The following BTG4 variants were observed in gnomAD, a reference collection of about 807,000 sequenced individuals.
BTG4 encodes the protein BTG anti-proliferation factor 4.
A neutral mutation model predicts 19.3 loss-of-function variants in BTG4; 10 were observed. The observed-to-expected ratio is 0.52, with a 90% CI of 0.32 to 0.88. The LOEUF (loss-of-function observed/expected upper bound fraction) is 0.88, where lower values mean the gene tolerates loss of function less well. Ranked by LOEUF, BTG4 falls within the 40% of genes least tolerant of loss-of-function variation. The pLI is 0.04. For missense variants in BTG4, 238 were observed against 281.9 expected (o/e 0.84, Z 1.11); for synonymous variants, 91 against 95.7 (o/e 0.95, Z 0.29).
chr11:111,485,175 G>C (rs113369354), intron 5 of BTG4, among the ~76,000 whole-genome samples: 1,572 of 152,070 alleles, frequency 0.01, 17 homozygotes, highest in African/African-American at 0.036. Flanking sequence ...ATTTCAACAC[G>C]CCACTTTCAG....
At chr11:111,449,600 G>C in the BTG4 span, 1 of 152,316 alleles carries the variant, frequency 6.6e-6, no homozygotes, top group African/African-American at 2.4e-5. Flanking sequence ...CCCCTCTCTG[G>C]AAATATAGAG....
At chr11:111,508,816 A>G (rs1285542139) in intron 1 of BTG4, among the ~76,000 whole-genome samples, 1 of 149,924 alleles carries the variant, frequency 6.7e-6, no homozygotes, top group African/African-American at 2.4e-5. Context: ...TATAAGTTAT[A>G]TTAAGATATA....
At chr11:111,435,339 G>T in the BTG4 span, among the ~76,000 whole-genome samples, 2 of 152,100 alleles carry the variant, frequency 1.3e-5, no homozygotes, top group Admixed American at 6.5e-5. Context: ...GGTCTCTTGA[G>T]GGTAAGTGGG....
chr11:111,462,083 GCA>G, the BTG4 span: 1 of 152,722 alleles, frequency 6.5e-6, no homozygotes, highest in African/African-American at 2.4e-5. Flanking sequence ...TGCCAAGATT[GCA>G]CAGTTTTCTC....
the BTG4 span, among the ~76,000 whole-genome samples, chr11:111,398,287 G>A: frequency 3.7e-3 from 560 of 152,244 alleles, 2 homozygotes; most frequent in African/African-American, 0.013. Context: ...GGACACCCCT[G>A]CCTTCCAACC....
the BTG4 span, chr11:111,396,942 G>A: frequency 6.6e-6 from 1 of 152,172 alleles, no homozygotes; most frequent in South Asian, 2.1e-4. Context: ...ATTAGTATAG[G>A]TTGATTTATT....
At chr11:111,424,327 T>C in the BTG4 span, among the ~76,000 whole-genome samples, 1 of 152,192 alleles carries the variant, frequency 6.6e-6, no homozygotes, top group Non-Finnish European at 1.5e-5. Flanking sequence ...TTACAAAATG[T>C]TGGTGTCACT....
At chr11:111,481,446 G>T (rs1380015085) in intron 5 of BTG4, among the ~76,000 whole-genome samples, 10 of 151,746 alleles carry the variant, frequency 6.6e-5, no homozygotes, top group South Asian at 6.2e-4. Flanking sequence ...AGTGTTTACA[G>T]TATGTATATA....
chr11:111,471,650 C>T (rs938583855), intron 5 of BTG4, among the ~76,000 whole-genome samples: 1 of 152,084 alleles, frequency 6.6e-6, no homozygotes, highest in African/African-American at 2.4e-5. Context: ...TATTTTCTGC[C>T]CTTGAAGGTC....
In BTG4 at chr11:111,470,734, C is replaced by G. The variant is rs566493770; in HGVS notation, c.663-3053G>C. Among the ~76,000 whole-genome samples, 67 of 151,988 alleles carry G rather than the reference C, an allele frequency of 4.4e-4. 2 individuals carry two copies. The highest frequency in any genetic ancestry group is 2.5e-4 in the Non-Finnish European group (17 of 67,974). On this transcript the variant is annotated intron_variant, in intron 5 of 5. Coordinates refer to the BTG4 transcript ENST00000356018. Reference sequence around the variant, plus strand: ...GAGTCTGAGACCAGCCTGGGCAACACAGTGAGACCCCATCTCTACAAAAAT... The same window carrying G: ...GAGTCTGAGACCAGCCTGGGCAACAGAGTGAGACCCCATCTCTACAAAAAT...
At chr11:111,402,114 T>C in the BTG4 span, among the ~76,000 whole-genome samples, 1 of 152,192 alleles carries the variant, frequency 6.6e-6, no homozygotes, top group Non-Finnish European at 1.5e-5. Context: ...GTTTTTCCCA[T>C]GCTGTCCTCG....
the BTG4 span, among the ~76,000 whole-genome samples, chr11:111,400,553 A>G: frequency 2.6e-5 from 4 of 152,220 alleles, no homozygotes; most frequent in East Asian, 7.7e-4. Flanking sequence ...AAATAATCTT[A>G]TGATTCTTAA....
chr11:111,471,223 G>C (rs1864042880), intron 5 of BTG4, among the ~76,000 whole-genome samples: 1 of 152,170 alleles, frequency 6.6e-6, no homozygotes, highest in South Asian at 2.1e-4. Context: ...AAGTTATAAA[G>C]CTATTTGTAG....
the BTG4 span, chr11:111,399,101 T>C: frequency 2.0e-5 from 3 of 152,220 alleles, no homozygotes; most frequent in African/African-American, 7.2e-5. Context: ...ACCTCACCTT[T>C]ACTCACGTCA....
At chr11:111,441,981 C>A in the BTG4 span, among the ~76,000 whole-genome samples, 1 of 151,778 alleles carries the variant, frequency 6.6e-6, no homozygotes, top group Non-Finnish European at 1.5e-5. Context: ...ATCACTTGAA[C>A]CCGGGAGGAG....
chr11:111,491,347 T>C (rs1374319880), downstream of BTG4, among the ~76,000 whole-genome samples: 1 of 152,174 alleles, frequency 6.6e-6, no homozygotes, highest in Non-Finnish European at 1.5e-5. Context: ...TACTAAAGTT[T>C]TGCAAAATGT....
chr11:111,499,621 G>C (rs1591521142), intron 1 of BTG4, among the ~76,000 whole-genome samples: 1 of 152,128 alleles, frequency 6.6e-6, no homozygotes, highest in African/African-American at 2.4e-5. Context: ...ACATTCCAAT[G>C]ATGTCATCTC....
chr11:111,433,833 A>G, the BTG4 span, among the ~76,000 whole-genome samples: 5 of 152,386 alleles, frequency 3.3e-5, no homozygotes, highest in South Asian at 1.0e-3. Flanking sequence ...AGAAATGCAA[A>G]TCAAAACCAC....
the BTG4 span, chr11:111,451,490 G>A: frequency 7.1e-6 from 3 of 423,418 alleles, no homozygotes; most frequent in Non-Finnish European, 1.5e-5. Context: ...TGCAGGCCAG[G>A]TGTGGTGGCT....
Sources: gnomAD v4.1 joint callset for allele counts (sites outside exome capture counted in the v4.1 genomes callset) on GRCh38, gnomAD v4.1.1 for gene constraint, MANE v1.5 for transcripts, NCBI Gene and HGNC (gene_info 2026-07-23, HGNC 2026-07-21) for gene names.